Variants in NOXA1 observed in about 807,000 individuals in gnomAD.
NOXA1 encodes the protein NCF2-like protein.
Under a neutral mutation model 64.8 loss-of-function variants are expected in NOXA1, and 56 were observed. That is an observed-to-expected ratio of 0.86 (90% confidence interval 0.70 to 1.08). The LOEUF (loss-of-function observed/expected upper bound fraction) is 1.08, where lower values mean the gene tolerates loss of function less well. Among genes scored for constraint, NOXA1 ranks in the 50% least tolerant of loss-of-function variants. The pLI is 0.00. For synonymous variants in NOXA1, 295 were observed against 294.8 expected (o/e 1.00, Z -0.01); for missense variants, 668 against 658.5 (o/e 1.01, Z -0.16).
Position 137,434,257 on chromosome 9 carries a change from G to A in NOXA1, c.1328G>A (p.Gly443Asp). ...DQAWLEGHCDGRIGIFPKCFV... is the reference protein window; with the variant it reads ...DQAWLEGHCDDRIGIFPKCFV... The stretch of plus-strand genomic sequence containing the variant: ...GCATGGCTGGAGGGCCACTGTGACG[G>A]CCGCATCGGCATCTTCCCCAAGTGC... Residue 443 changes from glycine to aspartate, a missense_variant, in exon 14 of 14, where the codon GGC (glycine) becomes GAC (aspartate). Transcript: ENST00000683555. 1 of 1,610,826 alleles carries A rather than the reference G, an allele frequency of 6.2e-7. No individual in the cohort carries two copies. Among genetic ancestry groups the A allele is most frequent in the Non-Finnish European group, 8.5e-7 (1 of 1,179,606 alleles).
intron 8 of NOXA1, 144 bp from the exon 9 acceptor site, chr9:137,432,885 G>C: frequency 1.2e-6 from 1 of 838,190 alleles, no homozygotes; most frequent in Non-Finnish European, 1.9e-6. Flanking sequence ...CTTGTGGCCA[G>C]TGCCCTGAAT....
intron 5 of NOXA1, among the ~76,000 whole-genome samples, chr9:137,429,712 C>G (rs1564238528): frequency 6.6e-6 from 1 of 152,266 alleles, no homozygotes; most frequent in East Asian, 1.9e-4. Context: ...CTGCGTCTCT[C>G]TGCGTCCTTT....
At chr9:137,427,296 T>C (rs1240996604) in intron 2 of NOXA1, among the ~76,000 whole-genome samples, 1 of 152,164 alleles carries the variant, frequency 6.6e-6, no homozygotes, top group Non-Finnish European at 1.5e-5. Flanking sequence ...GGGTAAGACG[T>C]AGGTGCGTAG....
intron 1 of NOXA1, 152 bp downstream of exon 1, chr9:137,423,858 C>CA: frequency 6.2e-6 from 4 of 642,732 alleles, no homozygotes; most frequent in Non-Finnish European, 8.7e-6. Flanking sequence ...AGGGGGGCCG[C>CA]ACCTGAGCTA....
Position 137,433,075 on chromosome 9 carries a change from G to A in NOXA1, c.850+1G>A. 1 of 1,612,862 alleles carries A rather than the reference G, an allele frequency of 6.2e-7. No homozygotes were observed. ...GGCAAACAGGCTCCTCTCTCCCCAGGTATGGGCGTCCTCAGCGGCGGGGTC... is the reference window on the plus strand; with the variant it reads ...GGCAAACAGGCTCCTCTCTCCCCAGATATGGGCGTCCTCAGCGGCGGGGTC... On this transcript the variant is annotated splice_donor_variant, in intron 9 of 13. Coordinates refer to ENST00000683555, the MANE Select transcript of NOXA1 (RefSeq NM_001256067.2). LOFTEE classifies it high-confidence loss of function.
At chr9:137,434,142 C>T (rs1355097706) in intron 13 of NOXA1, 63 bp downstream of exon 13, 19 of 1,581,418 alleles carry the variant, frequency 1.2e-5, no homozygotes, top group Non-Finnish European at 7.7e-6. Context: ...GGGCTTAGAG[C>T]TCGGCCTGTG....
At chr9:137,430,957 G>T in intron 6 of NOXA1, 114 bp downstream of exon 6, 1 of 1,555,910 alleles carries the variant, frequency 6.4e-7, no homozygotes. Context: ...GATGGGAGGT[G>T]TGGGGTGGCC....
At chr9:137,423,816 C>G in intron 1 of NOXA1, 110 bp downstream of exon 1, 3 of 916,560 alleles carry the variant, frequency 3.3e-6, no homozygotes, top group Non-Finnish European at 4.2e-6. Flanking sequence ...CGCCCCCGAC[C>G]CAGCGAACGC....
chr9:137,430,553 G>A (rs1839067588), intron 5 of NOXA1, among the ~76,000 whole-genome samples: 1 of 152,234 alleles, frequency 6.6e-6, no homozygotes, highest in Non-Finnish European at 1.5e-5. Context: ...CTGTTTATAA[G>A]AAACCAAAAT....
At chr9:137,425,430 G>T (rs1310020875) in intron 1 of NOXA1, among the ~76,000 whole-genome samples, 5 of 152,114 alleles carry the variant, frequency 3.3e-5, no homozygotes, top group African/African-American at 4.8e-5. Context: ...CTGTCTTGCA[G>T]GCTGGAGTGC....
rs1450428886 is a variant in NOXA1, at chr9:137,434,315, A to AGCCCCC, written c.1388_1393dup (p.Ala463_Pro464dup). 8.1e-6 allele frequency: 13 copies of AGCCCCC among 1,609,280 alleles called. No homozygotes were observed. The highest frequency in any genetic ancestry group is 1.0e-5 in the Non-Finnish European group (12 of 1,178,922). Reference sequence around the variant, plus strand: ...TCCCCGCCGGCCCTCGGATGTCAGGAGCCCCCGGCCGCCTGCCCCGATCCC... The same window carrying AGCCCCC: ...TCCCCGCCGGCCCTCGGATGTCAGGAGCCCCCGCCCCCGGCCGCCTGCCCCGATCCC... On this transcript the variant is annotated inframe_insertion, in exon 14 of 14. Transcript: ENST00000683555.
chr9:137,430,186 G>A (rs910724464), intron 5 of NOXA1, among the ~76,000 whole-genome samples: 2 of 152,056 alleles, frequency 1.3e-5, no homozygotes, highest in African/African-American at 4.8e-5. Context: ...AAGGTCTCAC[G>A]GGGGCAGGGG....
intron 4 of NOXA1, 116 bp downstream of exon 4, chr9:137,429,132 G>C (rs1326688083): frequency 7.1e-7 from 1 of 1,402,018 alleles, no homozygotes; most frequent in Non-Finnish European, 9.5e-7. Context: ...CCCAGTTTCG[G>C]GTGCCAGGCG....
chr9:137,423,681 C>A lies in NOXA1; in HGVS notation c.152C>A (p.Ala51Asp). The change falls in exon 1 of 14, where the codon GCC (alanine) becomes GAC (aspartate). Residue 51 changes from alanine to aspartate, a missense_variant. Coordinates refer to ENST00000683555, the MANE Select transcript of NOXA1 (RefSeq NM_001256067.2). ...AACGCGGGCTGCGTGCACCTGCTGG[C>A]CGGGGACCCCGAGGCCGCGCTGCGG... ...CFNAGCVHLL[A>D]GDPEAALRAF... is the part of the protein sequence containing the mutation. The A allele has an allele frequency of 7.4e-7, 1 of 1,356,534 alleles. No individual in the cohort carries two copies. The highest frequency in any genetic ancestry group is 1.7e-5 in the South Asian group (1 of 58,486). The allele number at this position is 1,356,534 out of a possible 1,614,324, so 84.0% of individuals were successfully genotyped here. A position where few individuals can be genotyped will look rare whatever the true frequency, so the allele number is the denominator to read the frequency against.
Position 137,423,522 on chromosome 9 carries a change from C to T in NOXA1, c.-8C>T, listed in dbSNP as rs746324121. 11 of 1,355,440 alleles carry T rather than the reference C, an allele frequency of 8.1e-6. No individual in the cohort carries two copies. The highest frequency in any genetic ancestry group is 1.0e-5 in the Non-Finnish European group (11 of 1,054,352). The allele number at this position is 1,355,440 out of a possible 1,614,324, so 84.0% of individuals were successfully genotyped here. On this transcript the variant is annotated 5_prime_UTR_variant, in exon 1 of 14. Coordinates refer to ENST00000683555, the MANE Select transcript of NOXA1 (RefSeq NM_001256067.2). ...CTGGCCCCTCCTCGAGCGCCGCCACCGGCCGCCATGGCCTCTCTGGGGGAC... is the reference window on the plus strand; with the variant it reads ...CTGGCCCCTCCTCGAGCGCCGCCACTGGCCGCCATGGCCTCTCTGGGGGAC...
At chr9:137,425,517 C>G (rs1838817093) in intron 1 of NOXA1, among the ~76,000 whole-genome samples, 1 of 152,224 alleles carries the variant, frequency 6.6e-6, no homozygotes, top group Admixed American at 6.5e-5. Flanking sequence ...TCCCGAGTAG[C>G]TGGGACTACA....
intron 1 of NOXA1, among the ~76,000 whole-genome samples, chr9:137,425,406 G>A (rs1381503927): frequency 1.3e-5 from 2 of 152,142 alleles, no homozygotes; most frequent in African/African-American, 4.8e-5. Context: ...TATTTTTTGA[G>A]ACGGAATCTC....
chr9:137,433,468 G>A lies in NOXA1; in HGVS notation c.925G>A (p.Gly309Ser). The A allele has an allele frequency of 6.2e-7, 1 of 1,601,892 alleles. No homozygotes were observed. Among genetic ancestry groups the A allele is most frequent in the Non-Finnish European group, 8.5e-7 (1 of 1,178,038 alleles). The change falls in exon 11 of 14, where the codon GGC becomes AGC. Residue 309 changes from glycine (G) to serine (S), a missense_variant. Coordinates refer to ENST00000683555, the MANE Select transcript of NOXA1 (RefSeq NM_001256067.2). ...PAGAGGAGAG[G>S]SEPLVTVTVQ... is the part of the protein sequence containing the mutation. ...CTGGACCCAGGGAGCAGGTGCAGGG[G>A]GCTCCGAGCCCCTGGTGACTGTCAC...
At position 137,433,220 on chromosome 9, in the gene NOXA1, G is replaced by C. The variant is rs367924256; in HGVS notation, c.866G>C (p.Gly289Ala). Residue 289 changes from glycine (G) to alanine (A), a missense_variant, in exon 10 of 14, where the codon GGG becomes GCG. Gly to Ala is a moderately conservative substitution (Grantham distance 60). Coordinates refer to ENST00000683555, the MANE Select transcript of NOXA1 (RefSeq NM_001256067.2). ...TGTCCTACAGGGCTGCCGGCAATGG[G>C]GGGGCCTGGCCCCGGCCCCTGTGAG... ...APLSPGLPAM[G>A]GPGPGPCEDP... 1 of 1,606,482 alleles carries C rather than the reference G, an allele frequency of 6.2e-7. No individual in the cohort carries two copies. The highest frequency in any genetic ancestry group is 8.5e-7 in the Non-Finnish European group (1 of 1,177,426).
Sources: gnomAD v4.1 joint callset for allele counts (sites outside exome capture counted in the v4.1 genomes callset) on GRCh38, gnomAD v4.1.1 for gene constraint, MANE v1.5 for transcripts, NCBI Gene and HGNC (gene_info 2026-07-23, HGNC 2026-07-21) for gene names.